The following TG variants were observed in gnomAD, a reference collection of about 807,000 sequenced individuals.
TG encodes the protein thyroglobulin, also known as thyroid hormones.
A neutral mutation model predicts 324.7 loss-of-function variants in TG; 270 were observed. The ratio of observed to expected loss-of-function variants is 0.83; its 90% CI spans 0.75 to 0.92. The LOEUF is 0.92. Ranked by LOEUF, TG falls within the 40% of genes least tolerant of loss-of-function variation. The pLI is 0.00. For missense variants in TG, 3,591 were observed against 3,456.4 expected, an observed-to-expected ratio of 1.04 and a Z score of -0.98; for synonymous variants, 1,401 against 1,327.0, an observed-to-expected ratio of 1.06 and a Z score of -1.21.
chr8:133,017,910 C>T lies in TG; in HGVS notation c.6695C>T (p.Pro2232Leu), dbSNP rs201514086. The T allele has an allele frequency of 8.4e-5, 135 of 1,614,210 alleles. No homozygotes were observed. The highest frequency in any genetic ancestry group is 1.1e-4 in the Non-Finnish European group (131 of 1,180,028). ...CAAGTGGACCAGTTCCTTGGAGTTC[C>T]ATATGCTGCCCCGCCCCTGGCAGAG... ...WKQVDQFLGV[P>L]YAAPPLAERR... is the part of the protein sequence containing the mutation. The change falls in exon 38 of 48, where the codon CCA becomes CTA. Residue 2232 changes from proline (P) to leucine (L), a missense_variant. Coordinates refer to ENST00000220616, the MANE Select transcript of TG (RefSeq NM_003235.5).
chr8:133,049,800 G>A, intron 41 of TG: 2 of 842,906 alleles, frequency 2.4e-6, no homozygotes, highest in Non-Finnish European at 4.1e-6. Context: ...TCTTGACCCA[G>A]TGCCTTCCTT....
At chr8:133,081,282 C>T (rs4278132) in intron 41 of TG, among the ~76,000 whole-genome samples, 39,054 of 152,184 alleles carry the variant, frequency 0.26, 5,321 homozygotes, top group African/African-American at 0.31. Flanking sequence ...AGATGTGATC[C>T]GTAACTATCC....
chr8:133,072,956 A>T (rs1445118953), intron 41 of TG: 1 of 152,244 alleles, frequency 6.6e-6, no homozygotes, highest in African/African-American at 2.4e-5. Flanking sequence ...GTTTATTAAT[A>T]GCTTTCTGCC....
rs767019917 is a variant in TG, at chr8:133,134,727, C to T, written c.8240C>T (p.Ala2747Val). The T allele has an allele frequency of 1.2e-6, 2 of 1,614,104 alleles. No individual in the cohort carries two copies. Among genetic ancestry groups the T allele is most frequent in the African/African-American group, 2.7e-5 (2 of 75,014 alleles). ...SAESEEEELT[A>V]GSGLREDLLS... ...GAGAGTGAAGAGGAGGAGTTGACGG[C>T]TGGATCTGGGCTAAGAGAAGATCTC... The change falls in exon 48 of 48, where the codon GCT (alanine) becomes GTT (valine). Residue 2747 changes from alanine (A) to valine (V), a missense_variant. Transcript: ENST00000220616.
At chr8:132,958,141 C>A (rs1378910094) in intron 27 of TG, among the ~76,000 whole-genome samples, 1 of 152,186 alleles carries the variant, frequency 6.6e-6, no homozygotes, top group Non-Finnish European at 1.5e-5. Context: ...TTAATGGGGT[C>A]ATTGGCTTCA....
intron 41 of TG, chr8:133,047,494 C>G: frequency 3.0e-6 from 1 of 332,290 alleles, no homozygotes; most frequent in Non-Finnish European, 5.8e-6. Context: ...CAGCCCAGGC[C>G]CATACCAAAG....
At chr8:133,095,303 A>G in intron 42 of TG, 95 bp downstream of exon 42, 1 of 1,551,476 alleles carries the variant, frequency 6.4e-7, no homozygotes. Flanking sequence ...CACCCCAGCC[A>G]TACCACACAT....
intron 11 of TG, among the ~76,000 whole-genome samples, chr8:132,894,908 C>T (rs1243522893): frequency 1.3e-5 from 2 of 152,200 alleles, no homozygotes; most frequent in East Asian, 3.9e-4. Flanking sequence ...GAAATGGAGT[C>T]TGAGGTTAAG....
chr8:132,995,394 C>T, intron 35 of TG: 1 of 985,152 alleles, frequency 1.0e-6, no homozygotes. Context: ...AACGGTGCCG[C>T]CTTAGGAGTC....
intron 20 of TG, among the ~76,000 whole-genome samples, chr8:132,913,577 C>G (rs1819845904): frequency 6.6e-6 from 1 of 152,146 alleles, no homozygotes; most frequent in Admixed American, 6.5e-5. Context: ...GCGCACATTT[C>G]TCAGTCTGGC....
intron 20 of TG, among the ~76,000 whole-genome samples, 156 bp from the exon 21 acceptor site, chr8:132,919,220 C>G (rs1306682133): frequency 6.6e-6 from 1 of 152,190 alleles, no homozygotes; most frequent in African/African-American, 2.4e-5. Context: ...TTCCCTGCTT[C>G]TTAGAGTCTG....
At position 133,087,071 on chromosome 8, in the gene TG, T is replaced by TACACAC. The variant is rs56028043; in HGVS notation, c.7240-7926_7240-7921dup. On this transcript the variant is annotated intron_variant, in intron 41 of 47. Transcript: ENST00000220616. Reference sequence around the variant, plus strand: ...TGTATAGATTTCCTGAATATATGTTTACACACACACACACACACACACACA... The same window carrying TACACAC: ...TGTATAGATTTCCTGAATATATGTTTACACACACACACACACACACACACACACACA... 3.8e-4 allele frequency among the ~76,000 whole-genome samples: 55 copies of TACACAC among 143,132 alleles called. 1 individual carries two copies. Among genetic ancestry groups the TACACAC allele is most frequent in the East Asian group, 2.5e-3 (12 of 4,846 alleles). 93.9% of individuals were successfully genotyped at this position (143,132 alleles called of 152,430 possible). A position where few individuals can be genotyped will look rare whatever the true frequency, so the allele number is the denominator to read the frequency against.
At position 132,933,744 on chromosome 8, in the gene TG, G is replaced by A. The variant is rs533426740; in HGVS notation, c.4932+68G>A. Reference sequence around the variant, plus strand: ...GTGGATCAGATGTGCTCTGAGGAGCGGGCAGCAGGCTGGCCAGGCGATGGA... The same window carrying A: ...GTGGATCAGATGTGCTCTGAGGAGCAGGCAGCAGGCTGGCCAGGCGATGGA... On this transcript the variant is annotated intron_variant, in intron 24 of 47. Transcript: ENST00000220616. The A allele has an allele frequency of 4.3e-5, 62 of 1,442,818 alleles. No homozygotes were observed. In the South Asian group the frequency reaches 4.3e-4, roughly 10 times the overall value. 89.4% of individuals were successfully genotyped at this position (1,442,818 alleles called of 1,614,324 possible).
At chr8:132,990,489 T>G (rs547598916) in intron 35 of TG, among the ~76,000 whole-genome samples, 2 of 152,234 alleles carry the variant, frequency 1.3e-5, no homozygotes, top group Non-Finnish European at 2.9e-5. Context: ...GTTAGCCATC[T>G]TCCCACTACA....
intron 41 of TG, among the ~76,000 whole-genome samples, chr8:133,062,038 G>A (rs887297982): frequency 2.6e-5 from 4 of 152,182 alleles, no homozygotes; most frequent in Non-Finnish European, 5.9e-5. Context: ...GACCAGGCTC[G>A]CAAAAGCTAT....
intron 41 of TG, chr8:133,040,096 C>A: frequency 6.4e-7 from 1 of 1,569,838 alleles, no homozygotes; most frequent in Non-Finnish European, 8.6e-7. Context: ...TCAGGCAGGG[C>A]GTGGTGAGCA....
At chr8:132,867,175 T>A in intron 1 of TG, 108 bp downstream of exon 1, 3 of 994,454 alleles carry the variant, frequency 3.0e-6, no homozygotes, top group Non-Finnish European at 4.5e-6. Context: ...CTTCACAAAT[T>A]CCCACATGTC....
chr8:132,986,949 A>G (rs1831634508), intron 35 of TG, among the ~76,000 whole-genome samples: 1 of 152,224 alleles, frequency 6.6e-6, no homozygotes, highest in South Asian at 2.1e-4. Context: ...GATGTCAAAT[A>G]CTATTGTTAA....
chr8:133,026,738 T>C (rs1836121696), intron 40 of TG, among the ~76,000 whole-genome samples: 1 of 152,188 alleles, frequency 6.6e-6, no homozygotes, highest in African/African-American at 2.4e-5. Flanking sequence ...GGAGGCCTAC[T>C]GAGCAGGTCT....
Sources: gnomAD v4.1 joint callset for allele counts (sites outside exome capture counted in the v4.1 genomes callset) on GRCh38, gnomAD v4.1.1 for gene constraint, MANE v1.5 for transcripts, NCBI Gene and HGNC (gene_info 2026-07-23, HGNC 2026-07-21) for gene names.